Variants in SRSF11 observed in about 807,000 individuals in gnomAD.
The protein encoded by SRSF11 is serine/arginine-rich splicing factor 11.
In SRSF11, 9 loss-of-function variants were observed where a neutral mutation model predicts 56.0. The ratio of observed to expected loss-of-function variants is 0.16; its 90% CI spans 0.10 to 0.28. The LOEUF is 0.28. Ranked by LOEUF, SRSF11 falls within the 10% of genes least tolerant of loss-of-function variation. The pLI, the probability that SRSF11 is intolerant of heterozygous loss-of-function variation, is 1.00. For synonymous variants in SRSF11, 222 were observed against 215.3 expected, an observed-to-expected ratio of 1.03 and a Z score of -0.27; for missense variants, 421 against 600.7, an observed-to-expected ratio of 0.70 and a Z score of 3.13.
chr1:70,225,012 A>G (rs1443332003), intron 1 of SRSF11, among the ~76,000 whole-genome samples: 6 of 152,246 alleles, frequency 3.9e-5, no homozygotes, highest in South Asian at 4.1e-4. Flanking sequence ...TGCCCAAGCC[A>G]TACTGCCAAT....
At chr1:70,246,609 G>A in intron 8 of SRSF11, 2 of 382,562 alleles carry the variant, frequency 5.2e-6, no homozygotes. Flanking sequence ...CTACTTGGGA[G>A]AAAACCTAGG....
intron 1 of SRSF11, among the ~76,000 whole-genome samples, chr1:70,207,818 TGG>T (rs1235950438): frequency 7.9e-5 from 12 of 151,752 alleles, no homozygotes; most frequent in African/African-American, 2.9e-4. Flanking sequence ...CTCGAAATCC[TGG>T]GCTCAAACAG....
intron 1 of SRSF11, among the ~76,000 whole-genome samples, chr1:70,213,722 C>A (rs908252735): frequency 6.6e-6 from 1 of 152,082 alleles, no homozygotes; most frequent in Non-Finnish European, 1.5e-5. Flanking sequence ...AGTATTCTCA[C>A]GTATTATCCT....
At chr1:70,217,130 G>GT (rs1670079445), upstream of SRSF11, among the ~76,000 whole-genome samples, 2 of 151,836 alleles carry the variant, frequency 1.3e-5, no homozygotes, top group African/African-American at 4.8e-5. Context: ...TCTTTGTGGG[G>GT]TTTTTTGTGT....
At chr1:70,225,573 C>T (rs1381562342) in intron 1 of SRSF11, among the ~76,000 whole-genome samples, 1 of 152,140 alleles carries the variant, frequency 6.6e-6, no homozygotes, top group Non-Finnish European at 1.5e-5. Flanking sequence ...CGTTAGTAGG[C>T]ATGAATACCT....
In SRSF11 at chr1:70,252,266, TTAGTA is replaced by T. The variant is rs1260062094; in HGVS notation, c.*1464_*1468del. Reference sequence around the variant, plus strand: ...ATGGGGTTGGATAAAGCAATGAACTTTAGTATAAACAAATCCCACCTATATCTAGC... The same window carrying T: ...ATGGGGTTGGATAAAGCAATGAACTTTAAACAAATCCCACCTATATCTAGC... On this transcript the variant is annotated 3_prime_UTR_variant, in exon 12 of 12. Coordinates refer to ENST00000370949, the MANE Select transcript of SRSF11 (RefSeq NM_001350605.2). 1 of 152,146 alleles carries T rather than the reference TTAGTA, an allele frequency of 6.6e-6. No homozygotes were observed. Among genetic ancestry groups the T allele is most frequent in the Non-Finnish European group, 1.5e-5 (1 of 67,982 alleles). 9.4% of individuals were successfully genotyped at this position (152,146 alleles called of 1,614,324 possible). A position where few individuals can be genotyped will look rare whatever the true frequency, so the allele number is the denominator to read the frequency against.
chr1:70,215,524 T>C (rs902401330), intron 1 of SRSF11, among the ~76,000 whole-genome samples: 1 of 152,172 alleles, frequency 6.6e-6, no homozygotes, highest in African/African-American at 2.4e-5. Flanking sequence ...TATTGTTAGG[T>C]ATCAGAAACC....
At chr1:70,218,381 G>A (rs1034630281), upstream of SRSF11, among the ~76,000 whole-genome samples, 3 of 152,172 alleles carry the variant, frequency 2.0e-5, no homozygotes, top group Non-Finnish European at 4.4e-5. Context: ...CTCTTCAGTT[G>A]CATAAACTTT....
intron 3 of SRSF11, among the ~76,000 whole-genome samples, chr1:70,233,464 T>C (rs911512723): frequency 1.3e-5 from 2 of 152,198 alleles, no homozygotes; most frequent in African/African-American, 4.8e-5. Context: ...GGTCTTGAAC[T>C]CTTGGCCTCA....
chr1:70,232,308 A>G lies in SRSF11; in HGVS notation c.378A>G (p.Ala126=). The change falls in exon 3 of 12, where the codon GCA becomes GCG. Residue 126 remains alanine (A), a synonymous_variant. Transcript: ENST00000370949. ...AAGCTAAAGCTTTGTCTCTGTTGGC[A>G]CCAGCTAATGCAGTGGCAGGTCTTC... ...PDEAKALSLL[A]PANAVAGLLP... The G allele has an allele frequency of 1.2e-6, 2 of 1,614,188 alleles. No individual in the cohort carries two copies. The highest frequency in any genetic ancestry group is 1.3e-5 in the African/African-American group (1 of 75,054).
rs760704119 is a variant in SRSF11, at chr1:70,251,820, A to G, written c.*1015A>G. Reference sequence around the variant, plus strand: ...ATAAATTTGTGTTACTGCAGTAGTAATCTTATGCACACGGTGATTTCATGT... The same window carrying G: ...ATAAATTTGTGTTACTGCAGTAGTAGTCTTATGCACACGGTGATTTCATGT... On this transcript the variant is annotated 3_prime_UTR_variant, in exon 12 of 12. Transcript: ENST00000370949. The G allele has an allele frequency of 1.3e-5, 2 of 152,562 alleles. No homozygotes were observed. The highest frequency in any genetic ancestry group is 2.9e-5 in the Non-Finnish European group (2 of 67,988). 9.5% of individuals were successfully genotyped at this position (152,562 alleles called of 1,614,324 possible). A position where few individuals can be genotyped will look rare whatever the true frequency, so the allele number is the denominator to read the frequency against.
rs1031287076 is a variant in SRSF11, at chr1:70,221,407, C to G, written c.-230C>G. 3 of 540,166 alleles carry G rather than the reference C, an allele frequency of 5.6e-6. No individual in the cohort carries two copies. The highest frequency in any genetic ancestry group is 9.6e-6 in the Non-Finnish European group (3 of 311,742). The allele number at this position is 540,166 out of a possible 1,614,324, so 33.5% of individuals were successfully genotyped here. On this transcript the variant is annotated 5_prime_UTR_variant, in exon 1 of 12. Transcript: ENST00000370949. ...TGTCGTGGTTGGAGGCGAGGTGGGG[C>G]GGCCGTTTGTTTTCTCGTGGTCTCG...
intron 4 of SRSF11, 135 bp downstream of exon 4, chr1:70,234,923 G>T: frequency 3.2e-6 from 2 of 628,006 alleles, no homozygotes; most frequent in South Asian, 2.3e-5. Context: ...ACTTGTCAGA[G>T]CTTTAAACAG....
At chr1:70,220,248 A>T (rs1056767527), upstream of SRSF11, among the ~76,000 whole-genome samples, 4 of 152,230 alleles carry the variant, frequency 2.6e-5, no homozygotes, top group African/African-American at 9.6e-5. Context: ...GGAATGCTCT[A>T]CAGAAGATGA....
In SRSF11 at chr1:70,242,099, G is replaced by A. The variant is rs546879445; in HGVS notation, c.800+2579G>A. ...CAGGAGAATCGCTTGAACCCCGGAG[G>A]CGGGGATTGCAGTGAGCCAGGATGG... On this transcript the variant is annotated intron_variant, in intron 7 of 11. Transcript: ENST00000370949. 9.9e-5 allele frequency among the ~76,000 whole-genome samples: 15 copies of A among 151,784 alleles called. No homozygotes were observed. The East Asian group carries it at 2.1e-3, about 22-fold the overall frequency.
chr1:70,250,025 T>C lies in SRSF11; in HGVS notation c.1096T>C (p.Ser366Pro), dbSNP rs1677639356. The change falls in exon 10 of 12, where the codon TCC becomes CCC. Residue 366 changes from serine (S) to proline (P), a missense_variant. Ser to Pro is a moderately conservative substitution (Grantham distance 74). Transcript: ENST00000370949. ...GCCTCGGTCTCCTAAAAGAAAATTG[T>C]CCCGCTCACCATCCCCTAGGAGGTA... is the stretch of plus-strand genomic sequence containing the variant. The part of the protein sequence containing the change: ...KKPRSPKRKL[S>P]RSPSPRRHKK... 6.2e-7 allele frequency: 1 copy of C among 1,613,818 alleles called. No individual in the cohort carries two copies.
chr1:70,226,328 G>A (rs1404347369), intron 1 of SRSF11, among the ~76,000 whole-genome samples: 4 of 152,124 alleles, frequency 2.6e-5, no homozygotes, highest in Admixed American at 2.0e-4. Context: ...CTTATTCACA[G>A]TATTCAAATT....
intron 7 of SRSF11, among the ~76,000 whole-genome samples, chr1:70,243,354 A>AAAAT (rs2100939600): frequency 7.6e-6 from 1 of 130,726 alleles, no homozygotes; most frequent in East Asian, 2.0e-4. Flanking sequence ...AAAAAAAAAA[A>AAAAT]AAAAAAAAAA....
intron 10 of SRSF11, 145 bp from the exon 11 acceptor site, chr1:70,250,203 GAACATTTTAGTCCTATA>G (rs1264812024): frequency 7.8e-7 from 1 of 1,290,104 alleles, no homozygotes; most frequent in Non-Finnish European, 1.1e-6. Flanking sequence ...ATTAAGGACT[GAACATTTTAGTCCTATA>G]AACAAGTTAG....
Sources: gnomAD v4.1 joint callset for allele counts (sites outside exome capture counted in the v4.1 genomes callset) on GRCh38, gnomAD v4.1.1 for gene constraint, MANE v1.5 for transcripts, NCBI Gene and HGNC (gene_info 2026-07-23, HGNC 2026-07-21) for gene names.